ADGRB3: variants seen among roughly 807,000 people sequenced by gnomAD.
The protein encoded by ADGRB3 is adhesion G protein-coupled receptor B3, also known as brain-specific angiogenesis inhibitor 3.
ADGRB3 carries 37 observed loss-of-function variants against 193.4 expected under a neutral mutation model. The ratio of observed to expected loss-of-function variants is 0.19; its 90% CI spans 0.15 to 0.25. The LOEUF (loss-of-function observed/expected upper bound fraction) is 0.25, where lower values mean the gene tolerates loss of function less well. ADGRB3 is among the 10% of genes least tolerant of loss of function. The pLI, the probability that ADGRB3 is intolerant of heterozygous loss-of-function variation, is 1.00. For synonymous variants in ADGRB3, 690 were observed against 644.2 expected, an observed-to-expected ratio of 1.07 and a Z score of -1.08; for missense variants, 1,637 against 1,852.9, an observed-to-expected ratio of 0.88 and a Z score of 2.14.
intron 10 of ADGRB3, among the ~76,000 whole-genome samples, chr6:68,980,960 C>A (rs1768892743): frequency 6.6e-6 from 1 of 151,602 alleles, no homozygotes; most frequent in African/African-American, 2.4e-5. Context: ...TGTTACCAGA[C>A]CGTAGTACAC....
chr6:69,235,003 G>A, intron 18 of ADGRB3, 29 bp from the exon 19 acceptor site: 1 of 1,542,082 alleles, frequency 6.5e-7, no homozygotes, highest in Non-Finnish European at 8.9e-7. Context: ...AAACCAATTT[G>A]TTTCTTTTTT....
intron 3 of ADGRB3, among the ~76,000 whole-genome samples, chr6:68,864,064 CT>C (rs1765227593): frequency 6.6e-6 from 1 of 152,022 alleles, no homozygotes; most frequent in South Asian, 2.1e-4. Context: ...TTTATTTCTT[CT>C]CTTCAATTAC....
intron 10 of ADGRB3, among the ~76,000 whole-genome samples, chr6:68,977,718 G>A (rs764845635): frequency 8.5e-5 from 13 of 152,078 alleles, no homozygotes; most frequent in African/African-American, 2.7e-4. Flanking sequence ...CTGTTTATTC[G>A]GCTCCTACAT....
At chr6:69,198,590 C>A (rs1765347793) in intron 17 of ADGRB3, among the ~76,000 whole-genome samples, 1 of 151,804 alleles carries the variant, frequency 6.6e-6, no homozygotes, top group Non-Finnish European at 1.5e-5. Context: ...GTAGCAGCAA[C>A]TACAAAGGCT....
intron 3 of ADGRB3, among the ~76,000 whole-genome samples, chr6:68,907,190 A>C (rs1457994903): frequency 5.9e-5 from 9 of 151,894 alleles, no homozygotes; most frequent in Non-Finnish European, 1.3e-4. Flanking sequence ...CTTTGTTTTT[A>C]CTAAATTTTT....
chr6:68,862,458 G>A (rs149347324), intron 3 of ADGRB3, among the ~76,000 whole-genome samples: 1 of 152,144 alleles, frequency 6.6e-6, no homozygotes, highest in Non-Finnish European at 1.5e-5. Flanking sequence ...TGTACAGCAA[G>A]TGGTACAGAC....
At chr6:68,784,075 AT>A (rs1244577940) in intron 3 of ADGRB3, among the ~76,000 whole-genome samples, 2 of 152,258 alleles carry the variant, frequency 1.3e-5, no homozygotes, top group African/African-American at 4.8e-5. Context: ...AGACAATGAT[AT>A]CTGAATAAAT....
intron 3 of ADGRB3, among the ~76,000 whole-genome samples, chr6:68,676,306 G>C (rs866140881): frequency 6.6e-6 from 1 of 150,774 alleles, no homozygotes; most frequent in South Asian, 2.1e-4. Context: ...CGAGATAATG[G>C]CTTGAACCGG....
intron 3 of ADGRB3, among the ~76,000 whole-genome samples, chr6:68,663,062 GA>G (rs1768708118): frequency 6.6e-6 from 1 of 151,088 alleles, no homozygotes; most frequent in African/African-American, 2.4e-5. Context: ...ATATTATATG[GA>G]AAAGTAAATC....
chr6:68,916,022 A>G (rs1305692528), intron 3 of ADGRB3, among the ~76,000 whole-genome samples: 2 of 152,030 alleles, frequency 1.3e-5, no homozygotes, highest in Non-Finnish European at 2.9e-5. Flanking sequence ...AAACAGAAAA[A>G]TATGCAGAAG....
intron 17 of ADGRB3, among the ~76,000 whole-genome samples, chr6:69,108,070 G>A (rs62406778): frequency 0.2 from 29,926 of 151,032 alleles, 3,242 homozygotes; most frequent in Middle Eastern, 0.33. Context: ...AAAGTCAGCC[G>A]AAGAAGAACG....
chr6:69,277,214 T>A (rs2127282669), intron 20 of ADGRB3, among the ~76,000 whole-genome samples: 1 of 152,112 alleles, frequency 6.6e-6, no homozygotes, highest in African/African-American at 2.4e-5. Context: ...AGGCTGGTCT[T>A]GAACTCCTGA....
At chr6:68,878,639 C>T (rs1430769003) in intron 3 of ADGRB3, among the ~76,000 whole-genome samples, 1 of 152,110 alleles carries the variant, frequency 6.6e-6, no homozygotes, top group East Asian at 1.9e-4. Context: ...AAGACAGTAT[C>T]CAAAAGTATG....
chr6:69,276,650 G>A (rs1767309487), intron 20 of ADGRB3, among the ~76,000 whole-genome samples: 1 of 152,104 alleles, frequency 6.6e-6, no homozygotes, highest in South Asian at 2.1e-4. Flanking sequence ...AGCCACCAGT[G>A]GATGATCTCA....
chr6:68,665,086 C>T (rs1397065319), intron 3 of ADGRB3, among the ~76,000 whole-genome samples: 1 of 151,712 alleles, frequency 6.6e-6, no homozygotes, highest in East Asian at 2.0e-4. Flanking sequence ...GGCCAAGATA[C>T]TTTAGGGAAT....
intron 3 of ADGRB3, among the ~76,000 whole-genome samples, chr6:68,724,926 A>G (rs1034080138): frequency 2.0e-5 from 3 of 151,682 alleles, no homozygotes; most frequent in African/African-American, 7.2e-5. Flanking sequence ...TACACACCAG[A>G]ATTTCTAGAA....
chr6:68,769,869 T>C (rs1478404057), intron 3 of ADGRB3, among the ~76,000 whole-genome samples: 1 of 152,126 alleles, frequency 6.6e-6, no homozygotes, highest in African/African-American at 2.4e-5. Flanking sequence ...AAACTCTGTC[T>C]CCTCTTAGTC....
At chr6:69,251,121 C>G (rs1241767558) in intron 20 of ADGRB3, among the ~76,000 whole-genome samples, 1 of 152,200 alleles carries the variant, frequency 6.6e-6, no homozygotes, top group East Asian at 1.9e-4. Flanking sequence ...CTAGCAAGAC[C>G]AGTTTCAAAA....
intron 3 of ADGRB3, among the ~76,000 whole-genome samples, chr6:68,874,247 G>A (rs1765531011): frequency 6.6e-6 from 1 of 152,078 alleles, no homozygotes; most frequent in South Asian, 2.1e-4. Context: ...TATTACTGCT[G>A]TAACTATTAT....
Sources: gnomAD v4.1 joint callset for allele counts (sites outside exome capture counted in the v4.1 genomes callset) on GRCh38, gnomAD v4.1.1 for gene constraint, MANE v1.5 for transcripts, NCBI Gene and HGNC (gene_info 2026-07-23, HGNC 2026-07-21) for gene names.